The following CMIP variants were observed in gnomAD, a reference collection of about 807,000 sequenced individuals.
CMIP encodes c-Maf inducing protein.
CMIP carries 13 observed loss-of-function variants against 97.3 expected under a neutral mutation model. That is an observed-to-expected ratio of 0.13 (90% CI 0.09 to 0.21). The LOEUF is 0.21. CMIP is among the 10% of genes least tolerant of loss of function. CMIP has a pLI of 1.00. For missense variants in CMIP, 847 were observed against 1,024.9 expected (o/e 0.83, Z 2.37); for synonymous variants, 538 against 436.3 (o/e 1.23, Z -2.91).
At chr16:81,600,581 G>T (rs1347142031) in intron 1 of CMIP, among the ~76,000 whole-genome samples, 1 of 152,204 alleles carries the variant, frequency 6.6e-6, no homozygotes, top group Non-Finnish European at 1.5e-5. Context: ...CCTGGCGCCT[G>T]GGGATGGGGT....
chr16:81,500,541 T>A (rs2089589626), intron 1 of CMIP, among the ~76,000 whole-genome samples: 2 of 147,928 alleles, frequency 1.4e-5, no homozygotes, highest in African/African-American at 5.0e-5. Flanking sequence ...CAGGCTGGAG[T>A]GCAGTGGTGC....
intron 1 of CMIP, among the ~76,000 whole-genome samples, chr16:81,493,848 G>A (rs911674285): frequency 4.6e-5 from 7 of 152,222 alleles, no homozygotes; most frequent in Non-Finnish European, 7.3e-5. Context: ...GGTGACCCAC[G>A]TGGCTTCAGG....
At chr16:81,583,485 C>A (rs1326475524) in intron 1 of CMIP, among the ~76,000 whole-genome samples, 1 of 152,216 alleles carries the variant, frequency 6.6e-6, no homozygotes. Flanking sequence ...AAAAATAAGT[C>A]ATTGGGAATA....
chr16:81,457,502 G>A (rs936757786), intron 1 of CMIP, among the ~76,000 whole-genome samples: 1 of 152,186 alleles, frequency 6.6e-6, no homozygotes, highest in African/African-American at 2.4e-5. Flanking sequence ...AGCAGGAGGA[G>A]CTTTTATTCT....
At chr16:81,449,678 C>CCG (rs1906090810) in intron 1 of CMIP, among the ~76,000 whole-genome samples, 2 of 151,994 alleles carry the variant, frequency 1.3e-5, no homozygotes, top group African/African-American at 4.8e-5. Context: ...TTCCCCCCCC[C>CCG]CCTTTCCATG....
intron 3 of CMIP, among the ~76,000 whole-genome samples, chr16:81,633,221 C>T (rs186724416): frequency 3.3e-5 from 5 of 152,340 alleles, no homozygotes; most frequent in African/African-American, 4.8e-5. Context: ...GTTCTGCAGG[C>T]GTCTGCAGTG....
intron 1 of CMIP, among the ~76,000 whole-genome samples, chr16:81,543,327 G>T (rs563828172): frequency 6.6e-6 from 1 of 152,320 alleles, no homozygotes; most frequent in South Asian, 2.1e-4. Context: ...GGCAGCCGGA[G>T]AGCGCTCTTT....
chr16:81,493,405 A>G (rs1425002581), intron 1 of CMIP, among the ~76,000 whole-genome samples: 1 of 152,050 alleles, frequency 6.6e-6, no homozygotes, highest in African/African-American at 2.4e-5. Flanking sequence ...TGGACCATAA[A>G]ATGCAGATGG....
intron 10 of CMIP, among the ~76,000 whole-genome samples, chr16:81,684,512 G>T (rs1021805832): frequency 1.6e-4 from 24 of 152,220 alleles, no homozygotes; most frequent in Admixed American, 1.4e-3. Context: ...TCTGGTTGAG[G>T]TGGCATCTTC....
chr16:81,655,392 G>A lies in CMIP; in HGVS notation c.640-2383G>A, dbSNP rs1487083559. ...CGCAAAACAGTTCCGAGAAAGAACT[G>A]TCCGTCCACCAGCAAAGCAAAGCTG... On this transcript the variant is annotated intron_variant, in intron 4 of 20. Coordinates refer to ENST00000537098, the MANE Select transcript of CMIP (RefSeq NM_198390.3). This position sits in a 1 kb window ranked among gnomAD's most constrained non-coding sequence, Gnocchi z 4.9. Among the ~76,000 whole-genome samples, 7 of 152,200 alleles carry A rather than the reference G, an allele frequency of 4.6e-5. No homozygotes were observed.
At chr16:81,546,372 G>A (rs1052445760) in intron 1 of CMIP, among the ~76,000 whole-genome samples, 1 of 152,132 alleles carries the variant, frequency 6.6e-6, no homozygotes, top group African/African-American at 2.4e-5. Flanking sequence ...GTAGGGCGGC[G>A]GTCCCTTTAG....
At chr16:81,500,361 C>T (rs1177368679) in intron 1 of CMIP, among the ~76,000 whole-genome samples, 2 of 97,104 alleles carry the variant, frequency 2.1e-5, no homozygotes, top group Non-Finnish European at 4.4e-5. Context: ...CTCCTTTCCT[C>T]CCTTCCTCTC....
chr16:81,652,154 C>T lies in CMIP; in HGVS notation c.478-49C>T, dbSNP rs762734058. The stretch of plus-strand genomic sequence containing the variant: ...TCTTTGATTGTCTTCCATCTTCTGC[C>T]TTCCTTACGTGAGTAACATGTTGCT... On this transcript the variant is annotated intron_variant, in intron 3 of 20. Transcript: ENST00000537098. This position sits in a 1 kb window ranked among gnomAD's most constrained non-coding sequence, Gnocchi z 5.2. 4 of 1,475,484 alleles carry T rather than the reference C, an allele frequency of 2.7e-6. No homozygotes were observed. The South Asian group carries it at 4.6e-5, about 17-fold the overall frequency. The allele number at this position is 1,475,484 out of a possible 1,614,324, so 91.4% of individuals were successfully genotyped here. A position where few individuals can be genotyped will look rare whatever the true frequency, so the allele number is the denominator to read the frequency against.
intron 1 of CMIP, among the ~76,000 whole-genome samples, chr16:81,446,217 G>C (rs944215207): frequency 1.3e-5 from 2 of 152,082 alleles, no homozygotes; most frequent in Admixed American, 6.5e-5. Context: ...GAAGCTGCTT[G>C]GTGGAGCCCT....
At chr16:81,594,377 C>T (rs1040119449) in intron 1 of CMIP, among the ~76,000 whole-genome samples, 6 of 151,768 alleles carry the variant, frequency 4.0e-5, no homozygotes, top group Admixed American at 1.3e-4. Flanking sequence ...GCCTCAGCCT[C>T]CCAAAGTGCT....
Position 81,711,348 on chromosome 16 carries a change from A to ACC in CMIP, c.*1555_*1556dup, listed in dbSNP as rs200811388. 6.7e-6 allele frequency: 1 copy of ACC among 149,880 alleles called. No individual in the cohort carries two copies. The highest frequency in any genetic ancestry group is 2.5e-5 in the African/African-American group (1 of 40,522). The allele number at this position is 149,880 out of a possible 1,614,324, so 9.3% of individuals were successfully genotyped here. A position where few individuals can be genotyped will look rare whatever the true frequency, so the allele number is the denominator to read the frequency against. ...TATACTTTGCTAGGTAGACTTTATT[A>ACC]CCCCCCCACTATGCCCTCATTTTTT... On this transcript the variant is annotated 3_prime_UTR_variant, in exon 21 of 21. Transcript: ENST00000537098.
chr16:81,516,942 A>G (rs1020247226), intron 1 of CMIP, among the ~76,000 whole-genome samples: 1 of 152,152 alleles, frequency 6.6e-6, no homozygotes, highest in Non-Finnish European at 1.5e-5. Flanking sequence ...TCATCAGTGA[A>G]AAACCAGATG....
In CMIP at chr16:81,445,366, G is replaced by A; in HGVS notation, c.125G>A (p.Arg42Gln). Reference protein sequence around the residue: ...GTKMGAVPCRRALLLCNGMRY... With the variant: ...GTKMGAVPCRQALLLCNGMRY... The stretch of plus-strand genomic sequence containing the variant: ...AAGATGGGCGCCGTGCCCTGCCGCC[G>A]GGCTCTTCTGCTTTGCAACGGGATG... The change falls in exon 1 of 21, where the codon CGG becomes CAG. Residue 42 changes from arginine to glutamine, a missense_variant. Physicochemically the swap from Arg to Gln is conservative, Grantham distance 43 (BLOSUM62 1). Transcript: ENST00000537098. The A allele has an allele frequency of 6.2e-7, 1 of 1,604,014 alleles. No homozygotes were observed. Among genetic ancestry groups the A allele is most frequent in the South Asian group, 1.1e-5 (1 of 89,332 alleles).
At chr16:81,489,135 G>A (rs1286980815) in intron 1 of CMIP, among the ~76,000 whole-genome samples, 1 of 152,198 alleles carries the variant, frequency 6.6e-6, no homozygotes, top group Non-Finnish European at 1.5e-5. Flanking sequence ...GCTGGTCCAA[G>A]GCCTTGGGGA....
Sources: allele counts gnomAD v4.1 joint callset (sites outside exome capture counted in the v4.1 genomes callset), GRCh38; gene constraint gnomAD v4.1.1; non-coding constraint Gnocchi (gnomAD v3.1); transcripts MANE v1.5; gene names NCBI Gene and HGNC (gene_info 2026-07-23, HGNC 2026-07-21).